Variants in SEPTIN12 observed in about 807,000 individuals in gnomAD.
SEPTIN12 encodes septin 12.
SEPTIN12 carries 42 observed loss-of-function variants against 37.7 expected under a neutral mutation model. The observed-to-expected ratio is 1.11, with a 90% CI of 0.87 to 1.44. The LOEUF is 1.44. Among genes scored for constraint, SEPTIN12 ranks in the 40% most tolerant of loss-of-function variants. The pLI is 0.00. For missense variants in SEPTIN12, 613 were observed against 479.2 expected, an observed-to-expected ratio of 1.28 and a Z score of -2.61; for synonymous variants, 254 against 196.7, an observed-to-expected ratio of 1.29 and a Z score of -2.44.
At chr16:4,790,332 G>A (rs2082532696), upstream of SEPTIN12, among the ~76,000 whole-genome samples, 1 of 152,194 alleles carries the variant, frequency 6.6e-6, no homozygotes, top group Non-Finnish European at 1.5e-5. Context: ...AGATGGGCGT[G>A]GCTGTGTCTA....
intron 7 of SEPTIN12, among the ~76,000 whole-genome samples, chr16:4,782,895 G>T (rs1012278929): frequency 9.3e-5 from 14 of 150,176 alleles, no homozygotes; most frequent in African/African-American, 3.4e-4. Flanking sequence ...CTGAGCCACT[G>T]CGCCCGGCCA....
At chr16:4,784,358 G>A (rs1474437112) in intron 4 of SEPTIN12, 1 of 393,838 alleles carries the variant, frequency 2.5e-6, no homozygotes, top group African/African-American at 2.0e-5. Context: ...GGCCACAGCT[G>A]GGCCCAAACC....
chr16:4,783,563 G>T lies in SEPTIN12; in HGVS notation c.631-6C>A. The T allele has an allele frequency of 2.5e-6, 4 of 1,613,884 alleles. No homozygotes were observed. Among genetic ancestry groups the T allele is most frequent in the Non-Finnish European group, 3.4e-6 (4 of 1,179,784 alleles). On this transcript the variant is annotated splice_polypyrimidine_tract_variant and splice_region_variant and intron_variant, in intron 6 of 9. Transcript: ENST00000268231. ...GTCCTCAGGTTCTGCTGGATCTGGA[G>T]ATCCCACACAGGTGACCTCAGCCCA...
At chr16:4,781,645 A>ATT (rs35411843) in intron 7 of SEPTIN12, among the ~76,000 whole-genome samples, 9,240 of 134,714 alleles carry the variant, frequency 0.069, 1,059 homozygotes, top group African/African-American at 0.24. Context: ...ACAGTGCTTC[A>ATT]TTTTTTTTTT....
Position 4,783,912 on chromosome 16 carries a change from G to T in SEPTIN12, c.512+19C>A. ...GCCCCGTGCAGGTGGTCCTCGCCTT[G>T]CAGGTGCAGCCCCCTCACCAGTGCC... On this transcript the variant is annotated intron_variant, in intron 5 of 9. Transcript: ENST00000268231. 2 of 1,613,852 alleles carry T rather than the reference G, an allele frequency of 1.2e-6. No individual in the cohort carries two copies. Among genetic ancestry groups the T allele is most frequent in the Non-Finnish European group, 1.7e-6 (2 of 1,179,806 alleles).
intron 4 of SEPTIN12, among the ~76,000 whole-genome samples, chr16:4,784,942 C>T (rs1038662973): frequency 1.3e-5 from 2 of 151,610 alleles, no homozygotes; most frequent in Non-Finnish European, 2.9e-5. Flanking sequence ...AAATCCCCGT[C>T]TCTACTAAAA....
intron 4 of SEPTIN12, among the ~76,000 whole-genome samples, chr16:4,785,299 T>A (rs535029786): frequency 6.4e-4 from 96 of 150,812 alleles, no homozygotes; most frequent in African/African-American, 2.2e-3. Context: ...GAGGCAGAGG[T>A]TGCAGTGAGC....
chr16:4,783,251 A>C, intron 7 of SEPTIN12: 1 of 585,540 alleles, frequency 1.7e-6, no homozygotes, highest in Non-Finnish European at 3.1e-6. Context: ...CTTATTGGGT[A>C]TGTGATTCGC....
At position 4,784,058 on chromosome 16, in the gene SEPTIN12, TG is replaced by T; in HGVS notation, c.384del (p.Ile129SerfsTer59). The T allele has an allele frequency of 6.2e-7, 1 of 1,614,116 alleles. No individual in the cohort carries two copies. Among genetic ancestry groups the T allele is most frequent in the African/African-American group, 1.3e-5 (1 of 75,038 alleles). ...TATTGCTCGTTGATGTAGCCCAGGATGGGGTCCCAGCTGAGGCGGGAGGTGG... is the reference window on the plus strand; with the variant it reads ...TATTGCTCGTTGATGTAGCCCAGGATGGGTCCCAGCTGAGGCGGGAGGTGG... ...DQINNDNCWD[P>X]ILGYINEQYE... On this transcript the variant is annotated frameshift_variant, in exon 5 of 10. Coordinates refer to ENST00000268231, the MANE Select transcript of SEPTIN12 (RefSeq NM_144605.5). LOFTEE classifies it high-confidence loss of function.
At chr16:4,779,600 G>C (rs1240954842) in intron 8 of SEPTIN12, 90 bp downstream of exon 8, 3 of 810,014 alleles carry the variant, frequency 3.7e-6, no homozygotes, top group African/African-American at 1.7e-5. Context: ...TCACCTTTCT[G>C]TGCCCTGTGA....
intron 8 of SEPTIN12, among the ~76,000 whole-genome samples, chr16:4,778,367 T>C (rs1350097983): frequency 6.6e-6 from 1 of 152,224 alleles, no homozygotes; most frequent in African/African-American, 2.4e-5. Flanking sequence ...CACCAATCAT[T>C]ATTGTATTAT....
At chr16:4,779,494 C>T (rs1052312783) in intron 8 of SEPTIN12, among the ~76,000 whole-genome samples, 196 bp downstream of exon 8, 1 of 152,224 alleles carries the variant, frequency 6.6e-6, no homozygotes, top group African/African-American at 2.4e-5. Flanking sequence ...GCCCACTTTA[C>T]TGTGAGGAAA....
At chr16:4,787,768 AC>A in intron 1 of SEPTIN12, 101 bp from the exon 2 acceptor site, 1 of 604,862 alleles carries the variant, frequency 1.7e-6, no homozygotes, top group Non-Finnish European at 2.9e-6. Context: ...CCGTTGGCCA[AC>A]CCCCTCCACA....
intron 1 of SEPTIN12, chr16:4,787,893 C>T: frequency 2.0e-6 from 1 of 499,132 alleles, no homozygotes; most frequent in South Asian, 2.3e-5. Context: ...GGCTCCGCTG[C>T]CCAAGGGTCT....
intron 7 of SEPTIN12, among the ~76,000 whole-genome samples, chr16:4,782,379 C>T (rs1011053531): frequency 2.6e-5 from 4 of 152,192 alleles, no homozygotes; most frequent in East Asian, 1.9e-4. Context: ...CTTCCACTTT[C>T]GGGGCTAAAA....
intron 2 of SEPTIN12, 41 bp downstream of exon 2, chr16:4,787,439 A>T (rs1268436193): frequency 1.3e-6 from 2 of 1,594,518 alleles, no homozygotes; most frequent in Non-Finnish European, 8.6e-7. Context: ...CACGCGTAGC[A>T]CTGTGGGTCT....
chr16:4,786,452 T>A (rs1319026094), intron 2 of SEPTIN12, among the ~76,000 whole-genome samples: 1 of 151,766 alleles, frequency 6.6e-6, no homozygotes, highest in Non-Finnish European at 1.5e-5. Context: ...CCTCCCAGAT[T>A]CACGCCATTC....
intron 7 of SEPTIN12, among the ~76,000 whole-genome samples, chr16:4,782,111 C>A (rs2082378879): frequency 6.6e-6 from 1 of 151,774 alleles, no homozygotes; most frequent in African/African-American, 2.4e-5. Context: ...CCACCACACG[C>A]AGCTAATTTT....
chr16:4,779,567 C>T (rs1002348343), intron 8 of SEPTIN12, 123 bp downstream of exon 8: 3 of 725,646 alleles, frequency 4.1e-6, no homozygotes, highest in Admixed American at 2.1e-5. Context: ...GACCATTCCC[C>T]AGGGCTCTTT....
Sources: allele counts gnomAD v4.1 joint callset (sites outside exome capture counted in the v4.1 genomes callset), GRCh38; gene constraint gnomAD v4.1.1; transcripts MANE v1.5; gene names NCBI Gene and HGNC (gene_info 2026-07-23, HGNC 2026-07-21).